Variants in RALGAPA2 observed in about 807,000 individuals in gnomAD.
RALGAPA2 encodes the protein ral GTPase-activating protein subunit alpha-2.
RALGAPA2 carries 139 observed loss-of-function variants against 230.4 expected under a neutral mutation model. That is an observed-to-expected ratio of 0.60 (90% CI 0.53 to 0.69). The LOEUF (loss-of-function observed/expected upper bound fraction) is 0.69, where lower values mean the gene tolerates loss of function less well. Ranked by LOEUF, RALGAPA2 falls within the 30% of genes least tolerant of loss-of-function variation. The pLI, the probability that RALGAPA2 is intolerant of heterozygous loss-of-function variation, is 0.00. For synonymous variants in RALGAPA2, 847 were observed against 837.8 expected (o/e 1.01, Z -0.19); for missense variants, 2,163 against 2,276.0 (o/e 0.95, Z 1.01).
intron 29 of RALGAPA2, 77 bp downstream of exon 29, chr20:20,524,753 T>C (rs962882370): frequency 2.9e-5 from 40 of 1,373,032 alleles, no homozygotes; most frequent in Non-Finnish European, 3.8e-5. Flanking sequence ...ATATCACTAG[T>C]TGTAACATTA....
Position 20,591,275 on chromosome 20 carries a change from G to C in RALGAPA2, c.2243C>G (p.Ala748Gly). 1 of 1,613,838 alleles carries C rather than the reference G, an allele frequency of 6.2e-7. No individual in the cohort carries two copies. The highest frequency in any genetic ancestry group is 8.5e-7 in the Non-Finnish European group (1 of 1,179,816). The change falls in exon 17 of 40, where the codon GCC becomes GGC. Residue 748 changes from alanine (A) to glycine (G), a missense_variant. Transcript: ENST00000202677. Reference protein sequence around the residue: ...ECQQSENAPAAGSGHLTVGQQ... With the variant: ...ECQQSENAPAGGSGHLTVGQQ... Reference sequence around the variant, plus strand: ...TCCCACTGTGAGATGGCCAGATCCGGCTGCAGGTGCATTTTCTGACTGTTG... The same window carrying C: ...TCCCACTGTGAGATGGCCAGATCCGCCTGCAGGTGCATTTTCTGACTGTTG...
chr20:20,585,318 A>G (rs1302191174), intron 18 of RALGAPA2, among the ~76,000 whole-genome samples: 3 of 152,182 alleles, frequency 2.0e-5, no homozygotes, highest in Non-Finnish European at 4.4e-5. Context: ...TATGCACACA[A>G]ATGATAAGTG....
intron 37 of RALGAPA2, among the ~76,000 whole-genome samples, chr20:20,434,142 TAAAGTGTATA>T (rs2060557938): frequency 6.6e-6 from 1 of 152,204 alleles, no homozygotes; most frequent in Admixed American, 6.5e-5. Context: ...CAGTGAGGAA[TAAAGTGTATA>T]AAAGCAAAAT....
chr20:20,410,379 A>C (rs1400091593), intron 38 of RALGAPA2, among the ~76,000 whole-genome samples: 1 of 152,220 alleles, frequency 6.6e-6, no homozygotes, highest in South Asian at 2.1e-4. Context: ...ACATCTAGTT[A>C]TTATTTACGT....
At position 20,571,117 on chromosome 20, in the gene RALGAPA2, CT is replaced by C. The variant is rs1373528092; in HGVS notation, c.3156+340del. Among the ~76,000 whole-genome samples the C allele has an allele frequency of 2.0e-5, 3 of 152,310 alleles. No individual in the cohort carries two copies. The East Asian group carries it at 5.8e-4, about 29-fold the overall frequency. ...AAACATTTTTAAATGATCAGTACCA[CT>C]TTCTTCAAACCATATTTAATGCAGA... On this transcript the variant is annotated intron_variant, in intron 23 of 39. Coordinates refer to ENST00000202677, the MANE Select transcript of RALGAPA2 (RefSeq NM_020343.4).
At chr20:20,410,166 A>AAT (rs1470334016) in intron 38 of RALGAPA2, among the ~76,000 whole-genome samples, 5 of 152,216 alleles carry the variant, frequency 3.3e-5, no homozygotes, top group Admixed American at 2.0e-4. Context: ...GCCTATTGAC[A>AAT]ATCCTCTCCA....
chr20:20,619,354 T>C lies in RALGAPA2; in HGVS notation c.1462A>G (p.Thr488Ala). ...SSSWGRTYSF[T>A]SAMSRGCVTE... ...ACACACCCTCTGCTCATTGCACTTG[T>C]GAAGGAGTATGTGCGTCCCCAACTG... is the stretch of plus-strand genomic sequence containing the variant. Residue 488 changes from threonine to alanine, a missense_variant, in exon 12 of 40, where the codon ACA (threonine) becomes GCA (alanine). Coordinates refer to ENST00000202677, the MANE Select transcript of RALGAPA2 (RefSeq NM_020343.4). The C allele has an allele frequency of 6.2e-7, 1 of 1,612,362 alleles. No individual in the cohort carries two copies. Among genetic ancestry groups the C allele is most frequent in the South Asian group, 1.1e-5 (1 of 90,824 alleles).
chr20:20,702,418 G>T (rs1603256460), intron 1 of RALGAPA2, among the ~76,000 whole-genome samples: 1 of 152,274 alleles, frequency 6.6e-6, no homozygotes, highest in East Asian at 1.9e-4. Context: ...CTGACCCCTG[G>T]GAAGGAGAAG....
chr20:20,660,259 T>C (rs564022128), intron 3 of RALGAPA2, among the ~76,000 whole-genome samples: 1 of 152,074 alleles, frequency 6.6e-6, no homozygotes, highest in African/African-American at 2.4e-5. Flanking sequence ...ATCAAACATA[T>C]TGATACCTTT....
chr20:20,549,114 G>C (rs1375164605), intron 23 of RALGAPA2, among the ~76,000 whole-genome samples: 3 of 152,072 alleles, frequency 2.0e-5, no homozygotes, highest in Non-Finnish European at 4.4e-5. Flanking sequence ...TTCACCACTG[G>C]AATTTAGAGT....
At chr20:20,645,500 A>G (rs898409471) in intron 4 of RALGAPA2, among the ~76,000 whole-genome samples, 2 of 152,176 alleles carry the variant, frequency 1.3e-5, no homozygotes, top group Non-Finnish European at 2.9e-5. Context: ...ATACATATAG[A>G]AAGGGCATTA....
Position 20,647,043 on chromosome 20 carries a change from T to A in RALGAPA2, c.329-3494A>T, listed in dbSNP as rs987987223. 2.6e-5 allele frequency among the ~76,000 whole-genome samples: 4 copies of A among 152,068 alleles called. 1 individual carries two copies. Among genetic ancestry groups the A allele is most frequent in the African/African-American group, 9.7e-5 (4 of 41,436 alleles). ...CTTTCCTGGCTCTGAAGAAAGCAAA[T>A]TCATCAATAATATTTTCAAAATCTA... On this transcript the variant is annotated intron_variant, in intron 4 of 39. Coordinates refer to ENST00000202677, the MANE Select transcript of RALGAPA2 (RefSeq NM_020343.4).
intron 15 of RALGAPA2, among the ~76,000 whole-genome samples, chr20:20,602,117 A>G (rs2065672560): frequency 6.6e-6 from 1 of 152,226 alleles, no homozygotes; most frequent in South Asian, 2.1e-4. Context: ...TATACAAAAG[A>G]AAGTATTAAT....
At chr20:20,406,323 T>A (rs116955791) in intron 38 of RALGAPA2, among the ~76,000 whole-genome samples, 6 of 152,294 alleles carry the variant, frequency 3.9e-5, no homozygotes, top group Admixed American at 3.9e-4. Context: ...GGTGATGGAA[T>A]GATAGCTGGT....
At chr20:20,587,160 A>C (rs2065157824) in intron 18 of RALGAPA2, among the ~76,000 whole-genome samples, 2 of 152,324 alleles carry the variant, frequency 1.3e-5, no homozygotes, top group Non-Finnish European at 2.9e-5. Context: ...AAGGACAAAC[A>C]AAAACAGCAA....
At chr20:20,530,747 C>T (rs1229484213) in intron 27 of RALGAPA2, among the ~76,000 whole-genome samples, 2 of 152,106 alleles carry the variant, frequency 1.3e-5, no homozygotes, top group African/African-American at 4.8e-5. Flanking sequence ...AACTTTGGCT[C>T]AGTGAGGTGG....
At chr20:20,623,937 T>C (rs1185530280) in intron 10 of RALGAPA2, among the ~76,000 whole-genome samples, 5 of 152,218 alleles carry the variant, frequency 3.3e-5, no homozygotes, top group African/African-American at 1.2e-4. Context: ...CTGTTTCTTC[T>C]GATTTTTATG....
chr20:20,670,082 T>C (rs909434379), intron 3 of RALGAPA2, among the ~76,000 whole-genome samples: 3 of 152,236 alleles, frequency 2.0e-5, no homozygotes, highest in Admixed American at 6.5e-5. Flanking sequence ...TTCTTACCAG[T>C]AGACTCTTCC....
At chr20:20,544,022 G>C (rs1242863435) in intron 24 of RALGAPA2, among the ~76,000 whole-genome samples, 3 of 151,900 alleles carry the variant, frequency 2.0e-5, no homozygotes, top group Admixed American at 2.0e-4. Flanking sequence ...GACTTATGTG[G>C]CCAACAAACA....
Sources: gnomAD v4.1 joint callset for allele counts (sites outside exome capture counted in the v4.1 genomes callset) on GRCh38, gnomAD v4.1.1 for gene constraint, MANE v1.5 for transcripts, NCBI Gene and HGNC (gene_info 2026-07-23, HGNC 2026-07-21) for gene names.